The following BTNL9 variants were observed in gnomAD, a reference collection of about 807,000 sequenced individuals.
BTNL9 encodes the protein butyrophilin like 9.
Under a neutral mutation model 45.8 loss-of-function variants are expected in BTNL9, and 45 were observed. That is an observed-to-expected ratio of 0.98 (90% confidence interval 0.77 to 1.26). The LOEUF (loss-of-function observed/expected upper bound fraction) is 1.26. Ranked by LOEUF, BTNL9 falls within the 50% of genes most tolerant of loss-of-function variation. The probability of loss-of-function intolerance (pLI) is 0.00; values close to 1 mark genes in which losing one functional copy is unlikely to be tolerated. For missense variants in BTNL9, 784 were observed against 729.7 expected, an observed-to-expected ratio of 1.07 and a Z score of -0.86; for synonymous variants, 346 against 330.8, an observed-to-expected ratio of 1.05 and a Z score of -0.50.
At position 181,050,030 on chromosome 5, in the gene BTNL9, G is replaced by A; in HGVS notation, c.455-58G>A. 4 of 1,559,660 alleles carry A rather than the reference G, an allele frequency of 2.6e-6. No homozygotes were observed. Among genetic ancestry groups the A allele is most frequent in the East Asian group, 2.2e-5 (1 of 44,500 alleles). On this transcript the variant is annotated intron_variant, in intron 3 of 10. Coordinates refer to ENST00000327705, the MANE Select transcript of BTNL9 (RefSeq NM_152547.5). The surrounding 1 kb of genome is among the most constrained non-coding windows in gnomAD (Gnocchi z 4.9). ...GCAAATGCTGAACAGTGGCAGGAAT[G>A]TTATGCGTGATTTCTCAGAAGAAGC...
Position 181,050,017 on chromosome 5 carries a change from C to T in BTNL9, c.455-71C>T. ...CTTTATGGTGACTGCAAATGCTGAACAGTGGCAGGAATGTTATGCGTGATT... is the reference window on the plus strand; with the variant it reads ...CTTTATGGTGACTGCAAATGCTGAATAGTGGCAGGAATGTTATGCGTGATT... On this transcript the variant is annotated intron_variant, in intron 3 of 10. Transcript: ENST00000327705. The surrounding 1 kb of genome is among the most constrained non-coding windows in gnomAD (Gnocchi z 4.9). The T allele has an allele frequency of 1.3e-6, 2 of 1,531,622 alleles. No homozygotes were observed. 94.9% of individuals were successfully genotyped at this position (1,531,622 alleles called of 1,614,324 possible).
intron 10 of BTNL9, 117 bp from the exon 11 acceptor site, chr5:181,059,119 AG>A: frequency 7.1e-7 from 1 of 1,399,226 alleles, no homozygotes; most frequent in South Asian, 1.5e-5. Context: ...GGTCGGGGTA[AG>A]GGGTTCATTT....
chr5:181,053,451 G>A lies in BTNL9; in HGVS notation c.854-18G>A, dbSNP rs1345234385. ...CGGGGGCGCGCACTCAGCCCTCTCC[G>A]CTCCCGTTTCCCTTCAGAAAAGCTG... On this transcript the variant is annotated intron_variant, in intron 5 of 10. Coordinates refer to ENST00000327705, the MANE Select transcript of BTNL9 (RefSeq NM_152547.5). This position sits in a 1 kb window ranked among gnomAD's most constrained non-coding sequence, Gnocchi z 6.5. The A allele has an allele frequency of 2.6e-6, 4 of 1,562,812 alleles. No homozygotes were observed. The highest frequency in any genetic ancestry group is 2.4e-5 in the South Asian group (2 of 85,062).
Position 181,053,281 on chromosome 5 carries a change from C to G in BTNL9, c.818C>G (p.Ala273Gly). 4 of 1,582,826 alleles carry G rather than the reference C, an allele frequency of 2.5e-6. No homozygotes were observed. Among genetic ancestry groups the G allele is most frequent in the Non-Finnish European group, 3.4e-6 (4 of 1,166,276 alleles). ...LPLLLVLAALALGVLRKQRRS... is the reference protein window; with the variant it reads ...LPLLLVLAALGLGVLRKQRRS... ...CTGCTGTTGGTCCTCGCGGCGCTGGCGCTGGGCGTCCTCCGGAAGCAGCGG... is the reference window on the plus strand; with the variant it reads ...CTGCTGTTGGTCCTCGCGGCGCTGGGGCTGGGCGTCCTCCGGAAGCAGCGG... The change falls in exon 5 of 11, where the codon GCG becomes GGG. Residue 273 changes from alanine to glycine, a missense_variant. Coordinates refer to ENST00000327705, the MANE Select transcript of BTNL9 (RefSeq NM_152547.5). This position sits in a 1 kb window ranked among gnomAD's most constrained non-coding sequence, Gnocchi z 6.5.
Position 181,045,608 on chromosome 5 carries a change from C to A in BTNL9, c.109+10C>A. Reference sequence around the variant, plus strand: ...GGGGAGCCGAGCTCAGGTATTGTGTCTGCAGCCTAGCTGGCCAGGATGTGA... The same window carrying A: ...GGGGAGCCGAGCTCAGGTATTGTGTATGCAGCCTAGCTGGCCAGGATGTGA... On this transcript the variant is annotated intron_variant, in intron 2 of 10. Coordinates refer to ENST00000327705, the MANE Select transcript of BTNL9 (RefSeq NM_152547.5). 1.9e-6 allele frequency: 3 copies of A among 1,601,838 alleles called. No individual in the cohort carries two copies. Among genetic ancestry groups the A allele is most frequent in the Non-Finnish European group, 2.6e-6 (3 of 1,169,920 alleles).
intron 1 of BTNL9, among the ~76,000 whole-genome samples, chr5:181,045,050 T>C (rs1761019242): frequency 6.6e-6 from 1 of 152,106 alleles, no homozygotes; most frequent in Admixed American, 6.6e-5. Context: ...GGGTTGGTGG[T>C]GGTGAGGCAG....
At position 181,059,529 on chromosome 5, in the gene BTNL9, G is replaced by A. The variant is rs1025665585; in HGVS notation, c.1275G>A (p.Trp425Ter). Residue 425 changes from tryptophan (W) to a stop codon, truncating the protein, a stop_gained, in exon 11 of 11, where the codon TGG (tryptophan) becomes TGA (stop). Transcript: ENST00000327705. LOFTEE classifies it low-confidence loss of function (END_TRUNC). ...PAAGYWVLGLWNGCEYFVLAP... is the reference protein window; with the variant it reads ...PAAGYWVLGL ...CCGGCTACTGGGTGCTGGGGCTGTG[G>A]AACGGCTGCGAGTACTTCGTCCTGG... 6.2e-7 allele frequency: 1 copy of A among 1,606,308 alleles called. No individual in the cohort carries two copies. The highest frequency in any genetic ancestry group is 8.5e-7 in the Non-Finnish European group (1 of 1,178,508).
Position 181,059,311 on chromosome 5 carries a change from C to T in BTNL9, c.1057C>T (p.Arg353Cys), listed in dbSNP as rs745673461. 5.8e-6 allele frequency: 9 copies of T among 1,558,858 alleles called. No homozygotes were observed. Among genetic ancestry groups the T allele is most frequent in the Admixed American group, 1.9e-5 (1 of 52,792 alleles). ...GGAGGATGGCAAGAGCGTGTCTTCCCGCGGGGCGCCGCCAGGCCCGGCGCC... is the reference window on the plus strand; with the variant it reads ...GGAGGATGGCAAGAGCGTGTCTTCCTGCGGGGCGCCGCCAGGCCCGGCGCC... ...VSEDGKSVSS[R>C]GAPPGPAPGH... Residue 353 changes from arginine to cysteine, a missense_variant, in exon 11 of 11, where the codon CGC becomes TGC. Transcript: ENST00000327705.
Position 181,053,660 on chromosome 5 carries a change from G to T in BTNL9, c.886+159G>T, listed in dbSNP as rs1761709196. Reference sequence around the variant, plus strand: ...GGTGACCCCGGTGGGGAAGGGGGAAGATCGTTCATATGGACAAAAGCGGAG... The same window carrying T: ...GGTGACCCCGGTGGGGAAGGGGGAATATCGTTCATATGGACAAAAGCGGAG... On this transcript the variant is annotated intron_variant, in intron 6 of 10. Coordinates refer to ENST00000327705, the MANE Select transcript of BTNL9 (RefSeq NM_152547.5). This position sits in a 1 kb window ranked among gnomAD's most constrained non-coding sequence, Gnocchi z 6.5. 7 of 1,534,052 alleles carry T rather than the reference G, an allele frequency of 4.6e-6. No individual in the cohort carries two copies. Among genetic ancestry groups the T allele is most frequent in the Non-Finnish European group, 6.2e-6 (7 of 1,137,958 alleles).
rs746350810 is a variant in BTNL9, at chr5:181,059,315, G to GGGCGCCGCCAGGCCC, written c.1068_1082dup (p.Pro357_Pro361dup). 72 of 1,559,888 alleles carry GGGCGCCGCCAGGCCC rather than the reference G, an allele frequency of 4.6e-5. No homozygotes were observed. Among genetic ancestry groups the GGGCGCCGCCAGGCCC allele is most frequent in the Admixed American group, 3.8e-5 (2 of 52,786 alleles). Reference sequence around the variant, plus strand: ...GATGGCAAGAGCGTGTCTTCCCGCGGGGCGCCGCCAGGCCCGGCGCCTGGC... The same window carrying GGGCGCCGCCAGGCCC: ...GATGGCAAGAGCGTGTCTTCCCGCGGGGCGCCGCCAGGCCCGGCGCCGCCAGGCCCGGCGCCTGGC... On this transcript the variant is annotated inframe_insertion, in exon 11 of 11. Coordinates refer to ENST00000327705, the MANE Select transcript of BTNL9 (RefSeq NM_152547.5).
intron 7 of BTNL9, chr5:181,054,757 G>A (rs1211846196): frequency 2.0e-6 from 2 of 985,200 alleles, no homozygotes; most frequent in Non-Finnish European, 2.4e-6. Context: ...GGTTGGGGGG[G>A]CAATTCAGAT....
In BTNL9 at chr5:181,055,072, C is replaced by T. The variant is rs530257528; in HGVS notation, c.908-361C>T. 4.6e-5 allele frequency: 50 copies of T among 1,089,942 alleles called. No homozygotes were observed. The African/African-American group carries it at 7.4e-4, about 16-fold the overall frequency. The allele number at this position is 1,089,942 out of a possible 1,614,324, so 67.5% of individuals were successfully genotyped here. On this transcript the variant is annotated intron_variant, in intron 7 of 10. Coordinates refer to ENST00000327705, the MANE Select transcript of BTNL9 (RefSeq NM_152547.5). The surrounding 1 kb of genome is among the most constrained non-coding windows in gnomAD (Gnocchi z 4.4). Reference sequence around the variant, plus strand: ...ACCCGGTGAGTGACCGTGAGGCTCACGTAGGCGGCCCTCAGTGCCTGCACT... The same window carrying T: ...ACCCGGTGAGTGACCGTGAGGCTCATGTAGGCGGCCCTCAGTGCCTGCACT...
intron 6 of BTNL9, 108 bp from the exon 7 acceptor site, chr5:181,054,131 C>G: frequency 6.4e-7 from 1 of 1,568,204 alleles, no homozygotes; most frequent in Non-Finnish European, 8.7e-7. Context: ...GTGGGAGTGC[C>G]GCATCGGAGG....
At chr5:181,048,495 C>T (rs1761313323) in intron 3 of BTNL9, among the ~76,000 whole-genome samples, 1 of 151,916 alleles carries the variant, frequency 6.6e-6, no homozygotes, top group South Asian at 2.1e-4. Flanking sequence ...TGGCTCAAGC[C>T]TGTAATCCCA....
Position 181,048,095 on chromosome 5 carries a change from C to G in BTNL9, c.278C>G (p.Pro93Arg). ...VHLYQEQQELPGRQMPAFRNR... is the reference protein window; with the variant it reads ...VHLYQEQQELRGRQMPAFRNR... ...CTGTACCAGGAGCAGCAGGAGCTCC[C>G]TGGCAGGCAGATGCCGGCGTTCCGG... is the stretch of plus-strand genomic sequence containing the variant. Residue 93 changes from proline to arginine, a missense_variant, in exon 3 of 11, where the codon CCT becomes CGT. Transcript: ENST00000327705. 6.2e-7 allele frequency: 1 copy of G among 1,613,686 alleles called. No individual in the cohort carries two copies. Among genetic ancestry groups the G allele is most frequent in the Admixed American group, 1.7e-5 (1 of 60,026 alleles).
intron 9 of BTNL9, chr5:181,057,007 TC>T (rs1761916389): frequency 1.3e-5 from 2 of 152,618 alleles, no homozygotes; most frequent in Non-Finnish European, 2.5e-5. Context: ...ATATTATATA[TC>T]TGTGTGTGTG....
intron 9 of BTNL9, 31 bp downstream of exon 9, chr5:181,056,046 C>T (rs779394466): frequency 6.2e-7 from 1 of 1,613,142 alleles, no homozygotes; most frequent in South Asian, 1.1e-5. Context: ...TCTGACTCCT[C>T]CTCATTTATA....
Position 181,053,473 on chromosome 5 carries a change from G to T in BTNL9, c.858G>T (p.Lys286Asn). 6.3e-7 allele frequency: 1 copy of T among 1,576,872 alleles called. No individual in the cohort carries two copies. The highest frequency in any genetic ancestry group is 8.6e-7 in the Non-Finnish European group (1 of 1,161,668). ...VLRKQRRSRE[K>N]LRKQAEKRQE... is the part of the protein sequence containing the mutation. ...TCCGCTCCCGTTTCCCTTCAGAAAA[G>T]CTGAGGAAGCAGGCGGAGAAGAGAC... The change falls in exon 6 of 11, where the codon AAG (lysine) becomes AAT (asparagine). Residue 286 changes from lysine to asparagine, a missense_variant. Coordinates refer to ENST00000327705, the MANE Select transcript of BTNL9 (RefSeq NM_152547.5). This position sits in a 1 kb window ranked among gnomAD's most constrained non-coding sequence, Gnocchi z 6.5.
At position 181,053,828 on chromosome 5, in the gene BTNL9, C is replaced by T; in HGVS notation, c.886+327C>T. On this transcript the variant is annotated intron_variant, in intron 6 of 10. Transcript: ENST00000327705. This position sits in a 1 kb window ranked among gnomAD's most constrained non-coding sequence, Gnocchi z 6.5. ...GTCTCTGCTGCCAGCGCCACCTCGT[C>T]CAGGTTTTCATAGCGCACAGGGAGT... 3 of 1,516,260 alleles carry T rather than the reference C, an allele frequency of 2.0e-6. No individual in the cohort carries two copies. The highest frequency in any genetic ancestry group is 1.8e-6 in the Non-Finnish European group (2 of 1,134,474). The allele number at this position is 1,516,260 out of a possible 1,614,324, so 93.9% of individuals were successfully genotyped here.
Sources: allele counts gnomAD v4.1 joint callset (sites outside exome capture counted in the v4.1 genomes callset), GRCh38; gene constraint gnomAD v4.1.1; non-coding constraint Gnocchi (gnomAD v3.1); transcripts MANE v1.5; gene names NCBI Gene and HGNC (gene_info 2026-07-23, HGNC 2026-07-21).